EPHB1: variants seen among roughly 807,000 people sequenced by gnomAD.
EPHB1 encodes ephrin type-B receptor 1.
EPHB1 carries 30 observed loss-of-function variants against 94.4 expected under a neutral mutation model. That is an observed-to-expected ratio of 0.32 (90% CI 0.24 to 0.43). The LOEUF (loss-of-function observed/expected upper bound fraction) is 0.43. EPHB1 is among the 20% of genes least tolerant of loss of function. The pLI is 1.00. For synonymous variants in EPHB1, 522 were observed against 489.1 expected, an observed-to-expected ratio of 1.07 and a Z score of -0.89; for missense variants, 1,055 against 1,308.3, an observed-to-expected ratio of 0.81 and a Z score of 2.99.
intron 3 of EPHB1, 78 bp downstream of exon 3, chr3:134,952,130 G>C: frequency 3.5e-6 from 5 of 1,444,908 alleles, no homozygotes; most frequent in Non-Finnish European, 4.7e-6. Context: ...ATAATTCTGG[G>C]TCATACAGGA....
At chr3:135,054,505 T>G (rs1576349486) in intron 3 of EPHB1, among the ~76,000 whole-genome samples, 2 of 152,252 alleles carry the variant, frequency 1.3e-5, no homozygotes. Context: ...CTTGTAGGCC[T>G]CAGATAGCAT....
rs1337038539 is a variant in EPHB1, at chr3:135,162,091, G to T, written c.1496G>T (p.Gly499Val). ...NTARIDGLRP[G>V]MVYVVQVRAR... ...GCAAGGATTGATGGGCTGCGGCCTG[G>T]CATGGTATATGTGGTACAGGTGCGT... The change falls in exon 7 of 16, where the codon GGC becomes GTC. Residue 499 changes from glycine to valine, a missense_variant. Gly to Val is a moderately radical substitution (Grantham distance 109). Transcript: ENST00000398015. The T allele has an allele frequency of 6.2e-7, 1 of 1,613,458 alleles. No homozygotes were observed. Among genetic ancestry groups the T allele is most frequent in the Non-Finnish European group, 8.5e-7 (1 of 1,179,664 alleles).
At chr3:134,912,905 A>T (rs1052998015) in intron 1 of EPHB1, among the ~76,000 whole-genome samples, 23 of 152,238 alleles carry the variant, frequency 1.5e-4, no homozygotes, top group African/African-American at 5.1e-4. Context: ...ATGAAAGGGT[A>T]TCTGGCCATC....
At chr3:135,144,267 A>T (rs1940934380) in intron 5 of EPHB1, among the ~76,000 whole-genome samples, 1 of 152,194 alleles carries the variant, frequency 6.6e-6, no homozygotes, top group African/African-American at 2.4e-5. Flanking sequence ...AAATTGTAAG[A>T]GTTGACCAAA....
chr3:135,258,800 A>G (rs191170467), intron 15 of EPHB1, among the ~76,000 whole-genome samples: 1 of 152,352 alleles, frequency 6.6e-6, no homozygotes. Flanking sequence ...CACTCCCAGG[A>G]TTGCCTAAGC....
chr3:135,054,040 T>TATATATATATATAC (rs377064799), intron 3 of EPHB1, among the ~76,000 whole-genome samples: 6 of 139,812 alleles, frequency 4.3e-5, no homozygotes, highest in African/African-American at 1.6e-4. Context: ...TATATATATA[T>TATATATATATATAC]ACACACACAC....
rs746739761 is a variant in EPHB1, at chr3:134,951,642, C to A, written c.395C>A (p.Ala132Asp). The change falls in exon 3 of 16, where the codon GCC becomes GAC. Residue 132 changes from alanine to aspartate, a missense_variant. By Grantham distance (126) the Ala-to-Asp change is moderately radical. Transcript: ENST00000398015. The surrounding 1 kb of genome is among the most constrained non-coding windows in gnomAD (Gnocchi z 4.5). ...ATKKSAFWSE[A>D]PYLKVDTIAA... The stretch of plus-strand genomic sequence containing the variant: ...AAGAAGTCAGCCTTCTGGTCTGAGG[C>A]CCCCTACCTCAAAGTAGACACCATT... 6.2e-7 allele frequency: 1 copy of A among 1,614,006 alleles called. No individual in the cohort carries two copies. The highest frequency in any genetic ancestry group is 8.5e-7 in the Non-Finnish European group (1 of 1,179,982).
intron 11 of EPHB1, among the ~76,000 whole-genome samples, chr3:135,196,674 GAAGA>G (rs35000954): frequency 0.014 from 2,204 of 152,250 alleles, 23 homozygotes; most frequent in Non-Finnish European, 0.022. Flanking sequence ...ACTACTCAGA[GAAGA>G]AAGGAAAAGG....
chr3:135,210,101 G>C (rs1222500438), intron 12 of EPHB1, among the ~76,000 whole-genome samples: 1 of 152,166 alleles, frequency 6.6e-6, no homozygotes, highest in East Asian at 1.9e-4. Context: ...TAGATTGTGG[G>C]TTTGGTTCAG....
intron 1 of EPHB1, among the ~76,000 whole-genome samples, chr3:134,894,995 G>A (rs6762621): frequency 0.45 from 68,070 of 152,128 alleles, 15,585 homozygotes; most frequent in Non-Finnish European, 0.47. Flanking sequence ...AGGAGTGGCT[G>A]CCTCCAGCCT....
intron 3 of EPHB1, among the ~76,000 whole-genome samples, chr3:135,038,202 T>C (rs1478629987): frequency 6.6e-6 from 1 of 152,202 alleles, no homozygotes; most frequent in Non-Finnish European, 1.5e-5. Context: ...TCACCCGTGG[T>C]GGGGTAGGAA....
chr3:134,919,965 A>C (rs1286899006), intron 1 of EPHB1, among the ~76,000 whole-genome samples: 1 of 152,022 alleles, frequency 6.6e-6, no homozygotes, highest in African/African-American at 2.4e-5. Flanking sequence ...AGAAGGAGGA[A>C]GTTCCAGCTG....
At chr3:134,867,099 C>T (rs1327849438) in intron 1 of EPHB1, among the ~76,000 whole-genome samples, 1 of 152,128 alleles carries the variant, frequency 6.6e-6, no homozygotes, top group Non-Finnish European at 1.5e-5. Flanking sequence ...CTGGGAGGGC[C>T]ACAGCCTAAT....
At chr3:135,131,614 A>G (rs1435476853) in intron 4 of EPHB1, among the ~76,000 whole-genome samples, 4 of 152,226 alleles carry the variant, frequency 2.6e-5, no homozygotes, top group Admixed American at 6.5e-5. Context: ...GGTTTTGGGC[A>G]GCAGATTCTC....
intron 4 of EPHB1, among the ~76,000 whole-genome samples, chr3:135,113,866 T>A (rs1177689371): frequency 6.6e-6 from 1 of 152,224 alleles, no homozygotes; most frequent in Non-Finnish European, 1.5e-5. Flanking sequence ...GGCTGGCCTT[T>A]TCTGAATCTC....
chr3:134,822,219 T>C (rs2036395375), intron 1 of EPHB1, among the ~76,000 whole-genome samples: 1 of 152,282 alleles, frequency 6.6e-6, no homozygotes, highest in South Asian at 2.1e-4. Context: ...GGGTCCTATC[T>C]GCCATGCTGC....
chr3:135,074,170 A>T (rs1257855185), intron 3 of EPHB1, among the ~76,000 whole-genome samples: 1 of 152,240 alleles, frequency 6.6e-6, no homozygotes, highest in African/African-American at 2.4e-5. Context: ...TGGTTTGTAT[A>T]AGAAAGGCAT....
chr3:134,936,112 CTG>C (rs1215136126), intron 2 of EPHB1, among the ~76,000 whole-genome samples: 1 of 152,224 alleles, frequency 6.6e-6, no homozygotes, highest in African/African-American at 2.4e-5. Context: ...GACTCACAGA[CTG>C]TTGAGAAACC....
At chr3:135,159,148 C>T (rs1379374668) in intron 6 of EPHB1, among the ~76,000 whole-genome samples, 2 of 152,136 alleles carry the variant, frequency 1.3e-5, no homozygotes. Context: ...ATCCTGCATC[C>T]TCTGTCTCCC....
Sources: allele counts gnomAD v4.1 joint callset (sites outside exome capture counted in the v4.1 genomes callset), GRCh38; gene constraint gnomAD v4.1.1; non-coding constraint Gnocchi (gnomAD v3.1); transcripts MANE v1.5; gene names NCBI Gene and HGNC (gene_info 2026-07-23, HGNC 2026-07-21).